LCA5: variants seen among roughly 807,000 people sequenced by gnomAD.
The protein encoded by LCA5 is lebercilin LCA5.
A neutral mutation model predicts 53.0 loss-of-function variants in LCA5; 37 were observed. The observed-to-expected ratio is 0.70, with a 90% CI of 0.54 to 0.92. LCA5 has a LOEUF of 0.92. Ranked by LOEUF, LCA5 falls within the 40% of genes least tolerant of loss-of-function variation. LCA5 has a pLI of 0.00. For synonymous variants in LCA5, 303 were observed against 282.9 expected (o/e 1.07, Z -0.71); for missense variants, 806 against 790.5 (o/e 1.02, Z -0.23).
intron 3 of LCA5, among the ~76,000 whole-genome samples, chr6:79,508,086 C>G (rs1487752193): frequency 6.6e-6 from 1 of 152,112 alleles, no homozygotes; most frequent in East Asian, 1.9e-4. Context: ...GGTATAAAGT[C>G]AACTCTAAGT....
chr6:79,537,059 G>T, intron 1 of LCA5, 106 bp downstream of exon 1: 1 of 152,900 alleles, frequency 6.5e-6, no homozygotes, highest in Non-Finnish European at 1.5e-5. Flanking sequence ...ACCACCCGCA[G>T]GCCCCCATCC....
chr6:79,502,412 C>T (rs763517796), intron 3 of LCA5, among the ~76,000 whole-genome samples: 5 of 152,122 alleles, frequency 3.3e-5, no homozygotes, highest in African/African-American at 9.7e-5. Flanking sequence ...TCTAATGAAA[C>T]CTGTTTTCTT....
chr6:79,492,960 A>G (rs1366287964), intron 4 of LCA5, among the ~76,000 whole-genome samples: 1 of 152,144 alleles, frequency 6.6e-6, no homozygotes, highest in African/African-American at 2.4e-5. Flanking sequence ...TTTAGTTAGT[A>G]TCTCTCAAAT....
At chr6:79,511,947 A>G (rs748290128) in intron 3 of LCA5, among the ~76,000 whole-genome samples, 1 of 152,000 alleles carries the variant, frequency 6.6e-6, no homozygotes, top group Non-Finnish European at 1.5e-5. Flanking sequence ...AATCCCCTTC[A>G]CATAAGAGAA....
intron 3 of LCA5, among the ~76,000 whole-genome samples, chr6:79,507,719 G>A (rs139234960): frequency 2.6e-5 from 4 of 152,220 alleles, no homozygotes; most frequent in African/African-American, 4.8e-5. Context: ...GGCCTGTCCC[G>A]TGGAATGCTG....
chr6:79,518,475 G>A (rs1157425769), intron 2 of LCA5, among the ~76,000 whole-genome samples: 1 of 152,118 alleles, frequency 6.6e-6, no homozygotes, highest in Non-Finnish European at 1.5e-5. Context: ...AGAAGGCTTA[G>A]CTATGTTTCC....
At chr6:79,505,110 C>T (rs78472898) in intron 3 of LCA5, among the ~76,000 whole-genome samples, 2,047 of 152,188 alleles carry the variant, frequency 0.013, 50 homozygotes, top group African/African-American at 0.046. Flanking sequence ...TGTTTTAGTG[C>T]TTGTATTACT....
chr6:79,486,851 T>G lies in LCA5; in HGVS notation c.*153A>C, dbSNP rs1175837716. On this transcript the variant is annotated 3_prime_UTR_variant, in exon 8 of 8. Transcript: ENST00000369846. ...GCAAACTATCTATGTGGTGTATGTATGATCTACTTCTTTTTAACTGCATTG... is the reference window on the plus strand; with the variant it reads ...GCAAACTATCTATGTGGTGTATGTAGGATCTACTTCTTTTTAACTGCATTG... 5 of 646,468 alleles carry G rather than the reference T, an allele frequency of 7.7e-6. No individual in the cohort carries two copies. Among genetic ancestry groups the G allele is most frequent in the Non-Finnish European group, 1.3e-5 (5 of 388,870 alleles). 40.0% of individuals were successfully genotyped at this position (646,468 alleles called of 1,614,324 possible). A position where few individuals can be genotyped will look rare whatever the true frequency, so the allele number is the denominator to read the frequency against.
intron 6 of LCA5, 49 bp downstream of exon 6, chr6:79,491,538 AG>A (rs775038921): frequency 3.5e-5 from 55 of 1,592,684 alleles, no homozygotes; most frequent in Non-Finnish European, 4.6e-5. Flanking sequence ...TTGTGTTTTT[AG>A]GAATAACTTC....
intron 3 of LCA5, 61 bp from the exon 4 acceptor site, chr6:79,493,811 A>G: frequency 1.6e-6 from 2 of 1,274,822 alleles, no homozygotes; most frequent in East Asian, 2.4e-5. Flanking sequence ...GAAACATAAC[A>G]CATGGCAGTG....
chr6:79,487,524 T>G lies in LCA5; in HGVS notation c.1574A>C (p.Gln525Pro). The change falls in exon 8 of 8, where the codon CAA (glutamine) becomes CCA (proline). Residue 525 changes from glutamine (Q) to proline (P), a missense_variant. Gln to Pro is a moderately conservative substitution (Grantham distance 76). Coordinates refer to ENST00000369846, the MANE Select transcript of LCA5 (RefSeq NM_001122769.3). ...TTTTGGAGTTGAGAAACTGATGTCTTGCAAATGATGCCCATTAAATAATCT... is the reference window on the plus strand; with the variant it reads ...TTTTGGAGTTGAGAAACTGATGTCTGGCAAATGATGCCCATTAAATAATCT... ...SERLFNGHHL[Q>P]DISFSTPKGE... 2 of 1,614,052 alleles carry G rather than the reference T, an allele frequency of 1.2e-6. No individual in the cohort carries two copies. The highest frequency in any genetic ancestry group is 1.7e-6 in the Non-Finnish European group (2 of 1,179,938).
rs1260359201 is a variant in LCA5 at position 79,491,701 on chromosome 6, A to C, written c.985T>G (p.Cys329Gly). ...TCCATGGTTTGTACTCCTTTTGTAC[A>C]CAGGTCTGCAAAATCACTCTGGCAT... ...AACQSDFADL[C>G]TKGVQTMEDF... The change falls in exon 6 of 8, where the codon TGT becomes GGT. Residue 329 changes from cysteine (C) to glycine (G), a missense_variant. Coordinates refer to ENST00000369846, the MANE Select transcript of LCA5 (RefSeq NM_001122769.3). 1 of 1,613,064 alleles carries C rather than the reference A, an allele frequency of 6.2e-7. No homozygotes were observed. Among genetic ancestry groups the C allele is most frequent in the Non-Finnish European group, 8.5e-7 (1 of 1,179,272 alleles).
In LCA5 at chr6:79,486,811, C is replaced by T. The variant is rs1297387650; in HGVS notation, c.*193G>A. 6 of 477,158 alleles carry T rather than the reference C, an allele frequency of 1.3e-5. No homozygotes were observed. The Admixed American group carries it at 2.3e-4, about 18-fold the overall frequency. 29.6% of individuals were successfully genotyped at this position (477,158 alleles called of 1,614,324 possible). A position where few individuals can be genotyped will look rare whatever the true frequency, so the allele number is the denominator to read the frequency against. ...TTATTTTTGGTTTCATTCAAAAAAG[C>T]CTCCTTCATTCTTGGCAAACTATCT... On this transcript the variant is annotated 3_prime_UTR_variant, in exon 8 of 8. Coordinates refer to ENST00000369846, the MANE Select transcript of LCA5 (RefSeq NM_001122769.3).
At chr6:79,530,347 G>A (rs980263776) in intron 1 of LCA5, among the ~76,000 whole-genome samples, 4 of 152,062 alleles carry the variant, frequency 2.6e-5, no homozygotes, top group South Asian at 2.1e-4. Context: ...CACACACTAG[G>A]GACTATTAAA....
chr6:79,509,465 A>G (rs1397247269), intron 3 of LCA5, among the ~76,000 whole-genome samples: 1 of 151,860 alleles, frequency 6.6e-6, no homozygotes, highest in African/African-American at 2.4e-5. Flanking sequence ...AAAAAAAAAA[A>G]AAAAAAAGTA....
intron 3 of LCA5, among the ~76,000 whole-genome samples, chr6:79,509,804 TAC>T (rs1249891410): frequency 6.6e-6 from 1 of 152,138 alleles, no homozygotes; most frequent in African/African-American, 2.4e-5. Context: ...CTAAAACATA[TAC>T]AGATTTGTAT....
intron 1 of LCA5, among the ~76,000 whole-genome samples, chr6:79,530,907 A>G (rs1766939950): frequency 6.6e-6 from 1 of 152,192 alleles, no homozygotes; most frequent in African/African-American, 2.4e-5. Context: ...AATAACGATG[A>G]GGTAAAGGAA....
chr6:79,516,149 GA>G (rs1766430937), intron 2 of LCA5, among the ~76,000 whole-genome samples: 1 of 151,140 alleles, frequency 6.6e-6, no homozygotes, highest in Non-Finnish European at 1.5e-5. Flanking sequence ...CTGGTTACTA[GA>G]AAATATAAAA....
chr6:79,537,670 C>T (rs1041507844), upstream of LCA5, among the ~76,000 whole-genome samples: 2 of 152,210 alleles, frequency 1.3e-5, no homozygotes, highest in East Asian at 3.9e-4. Flanking sequence ...GGCTCGACTG[C>T]TGAGCGTCGT....
Sources: allele counts gnomAD v4.1 joint callset (sites outside exome capture counted in the v4.1 genomes callset), GRCh38; gene constraint gnomAD v4.1.1; transcripts MANE v1.5; gene names NCBI Gene and HGNC (gene_info 2026-07-23, HGNC 2026-07-21).